Variants in ADAM10 observed in about 807,000 individuals in gnomAD.
ADAM10 encodes the protein disintegrin and metalloproteinase domain-containing protein 10.
Under a neutral mutation model 90.1 loss-of-function variants are expected in ADAM10, and 17 were observed. The observed-to-expected ratio is 0.19, with a 90% CI of 0.13 to 0.28. The LOEUF (loss-of-function observed/expected upper bound fraction) is 0.28, where lower values mean the gene tolerates loss of function less well. Ranked by LOEUF, ADAM10 falls within the 10% of genes least tolerant of loss-of-function variation. ADAM10 has a pLI of 1.00. For synonymous variants in ADAM10, 310 were observed against 298.6 expected, an observed-to-expected ratio of 1.04 and a Z score of -0.40; for missense variants, 610 against 914.3, an observed-to-expected ratio of 0.67 and a Z score of 4.29.
chr15:58,742,091 C>T (rs191387246), intron 1 of ADAM10, among the ~76,000 whole-genome samples: 179 of 152,296 alleles, frequency 1.2e-3, no homozygotes, highest in Middle Eastern at 3.4e-3. Context: ...ATTTCATTTA[C>T]TCCAACAAAC....
At chr15:58,637,004 C>T (rs571402147) in intron 8 of ADAM10, among the ~76,000 whole-genome samples, 7 of 152,170 alleles carry the variant, frequency 4.6e-5, no homozygotes, top group Non-Finnish European at 1.0e-4. Context: ...GGGATCCAGA[C>T]AAGCATTAAA....
intron 8 of ADAM10, among the ~76,000 whole-genome samples, chr15:58,636,401 A>T (rs1208882314): frequency 6.6e-6 from 1 of 152,210 alleles, no homozygotes; most frequent in Admixed American, 6.5e-5. Flanking sequence ...TAATTTTTTT[A>T]AATACTGCAA....
Position 58,655,708 on chromosome 15 carries a change from A to ACTATATAT in ADAM10, c.585+9388_585+9389insATATATAG, listed in dbSNP as rs1566982312. ...TATATTATATATAGTATATATATATATAGTATATATATATATATATATATA... is the reference window on the plus strand; with the variant it reads ...TATATTATATATAGTATATATATATACTATATATTAGTATATATATATATATATATATA... On this transcript the variant is annotated intron_variant, in intron 5 of 15. Coordinates refer to ENST00000260408, the MANE Select transcript of ADAM10 (RefSeq NM_001110.4). Among the ~76,000 whole-genome samples the ACTATATAT allele has an allele frequency of 1.0e-3, 68 of 67,394 alleles. 5 individuals are homozygous for ACTATATAT. Among genetic ancestry groups the ACTATATAT allele is most frequent in the African/African-American group, 3.7e-3 (64 of 17,266 alleles). 44.2% of individuals were successfully genotyped at this position (67,394 alleles called of 152,430 possible).
Position 58,695,842 on chromosome 15 carries a change from T to A in ADAM10, c.207-13528A>T, listed in dbSNP as rs867824366. 1.1e-4 allele frequency among the ~76,000 whole-genome samples: 17 copies of A among 151,844 alleles called. No individual in the cohort carries two copies. In the South Asian group the frequency reaches 3.5e-3, roughly 32 times the overall value. ...TTACAAATATAAAAATTAAGCAGGG[T>A]GCGGTGGCTCACAATTGTTATCCCA... On this transcript the variant is annotated intron_variant, in intron 2 of 15. Transcript: ENST00000260408.
At chr15:58,710,875 G>A (rs1898451088) in intron 2 of ADAM10, among the ~76,000 whole-genome samples, 1 of 152,100 alleles carries the variant, frequency 6.6e-6, no homozygotes, top group Non-Finnish European at 1.5e-5. Context: ...AGATTTAAAA[G>A]TGCCCTAGAT....
chr15:58,619,397 A>G (rs926333191), intron 11 of ADAM10, among the ~76,000 whole-genome samples: 1 of 152,200 alleles, frequency 6.6e-6, no homozygotes. Context: ...AATGAGCTCT[A>G]GTGTTTGATA....
At chr15:58,642,153 T>C (rs1192592453) in intron 7 of ADAM10, among the ~76,000 whole-genome samples, 1 of 152,218 alleles carries the variant, frequency 6.6e-6, no homozygotes. Flanking sequence ...AGTAATTCTC[T>C]AATACTGGCT....
At chr15:58,745,354 T>C (rs1899757120) in intron 1 of ADAM10, among the ~76,000 whole-genome samples, 1 of 152,214 alleles carries the variant, frequency 6.6e-6, no homozygotes, top group Non-Finnish European at 1.5e-5. Flanking sequence ...TATTCTTAAA[T>C]TGGTTTTTAT....
rs566113996 is a variant in ADAM10 at position 58,595,546 on chromosome 15, T to C, written c.*2001A>G. On this transcript the variant is annotated 3_prime_UTR_variant, in exon 16 of 16. Transcript: ENST00000260408. The stretch of plus-strand genomic sequence containing the variant: ...ACACAGTGGACATTAAAACTGACAG[T>C]AGTATTAGATCTCATTTGTCTTGAT... The C allele has an allele frequency of 5.3e-5, 8 of 152,258 alleles. No homozygotes were observed. The highest frequency in any genetic ancestry group is 1.7e-4 in the African/African-American group (7 of 41,566). 9.4% of individuals were successfully genotyped at this position (152,258 alleles called of 1,614,324 possible).
chr15:58,609,400 G>C (rs1895371062), intron 14 of ADAM10: 1 of 151,902 alleles, frequency 6.6e-6, no homozygotes, highest in Non-Finnish European at 1.5e-5. Flanking sequence ...TTAAATGCTG[G>C]GGTTAACTAT....
chr15:58,746,369 C>G (rs1189959525), intron 1 of ADAM10, among the ~76,000 whole-genome samples: 1 of 152,112 alleles, frequency 6.6e-6, no homozygotes, highest in Non-Finnish European at 1.5e-5. Flanking sequence ...AAACAAGTTA[C>G]TAAAAGCACA....
intron 4 of ADAM10, among the ~76,000 whole-genome samples, chr15:58,671,530 T>C (rs190966454): frequency 6.6e-6 from 1 of 152,188 alleles, no homozygotes; most frequent in Non-Finnish European, 1.5e-5. Context: ...CACGCACACA[T>C]ACTCCTAAAT....
chr15:58,724,442 T>C (rs2140827476), intron 1 of ADAM10, among the ~76,000 whole-genome samples: 1 of 152,210 alleles, frequency 6.6e-6, no homozygotes, highest in East Asian at 1.9e-4. Context: ...GAAAACTAGA[T>C]AAAAGATGTG....
At position 58,678,432 on chromosome 15, in the gene ADAM10, T is replaced by C. The variant is rs142781777; in HGVS notation, c.484+692A>G. 1.7e-4 allele frequency among the ~76,000 whole-genome samples: 26 copies of C among 152,280 alleles called. No homozygotes were observed. The East Asian group carries it at 2.3e-3, about 14-fold the overall frequency. Reference sequence around the variant, plus strand: ...GGCAAAAATTGAGAGACTAGTCTAATTACAGTCAAAAAATAATAAATGGGT... The same window carrying C: ...GGCAAAAATTGAGAGACTAGTCTAACTACAGTCAAAAAATAATAAATGGGT... On this transcript the variant is annotated intron_variant, in intron 4 of 15. Coordinates refer to ENST00000260408, the MANE Select transcript of ADAM10 (RefSeq NM_001110.4).
At chr15:58,697,288 T>G (rs1258747001) in intron 2 of ADAM10, among the ~76,000 whole-genome samples, 1 of 151,780 alleles carries the variant, frequency 6.6e-6, no homozygotes, top group African/African-American at 2.4e-5. Context: ...AAAGACCCAC[T>G]CATCAGCTGA....
At chr15:58,671,897 T>A (rs1596051792) in intron 4 of ADAM10, among the ~76,000 whole-genome samples, 1 of 152,096 alleles carries the variant, frequency 6.6e-6, no homozygotes, top group East Asian at 1.9e-4. Flanking sequence ...TAACTCAGAA[T>A]GTAACAGAAA....
At chr15:58,650,191 C>T (rs1896650987) in intron 5 of ADAM10, among the ~76,000 whole-genome samples, 1 of 152,154 alleles carries the variant, frequency 6.6e-6, no homozygotes, top group African/African-American at 2.4e-5. Flanking sequence ...TTTCCTTTGT[C>T]AGTTGACTCT....
At chr15:58,703,311 A>AC (rs1491292572) in intron 2 of ADAM10, among the ~76,000 whole-genome samples, 2 of 149,088 alleles carry the variant, frequency 1.3e-5, no homozygotes, top group East Asian at 2.0e-4. Flanking sequence ...AAAAAAAAAA[A>AC]CACACAGAAA....
chr15:58,659,507 A>T (rs1340771397), intron 5 of ADAM10, among the ~76,000 whole-genome samples: 1 of 152,146 alleles, frequency 6.6e-6, no homozygotes, highest in Admixed American at 6.5e-5. Context: ...TATGTGGTGG[A>T]TTACACAAAT....
Sources: gnomAD v4.1 joint callset for allele counts (sites outside exome capture counted in the v4.1 genomes callset) on GRCh38, gnomAD v4.1.1 for gene constraint, MANE v1.5 for transcripts, NCBI Gene and HGNC (gene_info 2026-07-23, HGNC 2026-07-21) for gene names.